Variants in ZNF532 observed in about 807,000 individuals in gnomAD.
ZNF532 encodes the protein zinc finger protein 532.
Under a neutral mutation model 89.3 loss-of-function variants are expected in ZNF532, and 22 were observed. The ratio of observed to expected loss-of-function variants is 0.25; its 90% CI spans 0.18 to 0.35. The LOEUF (loss-of-function observed/expected upper bound fraction) is 0.35. Among genes scored for constraint, ZNF532 ranks in the 10% least tolerant of loss-of-function variants. ZNF532 has a pLI of 1.00. For missense variants in ZNF532, 1,132 were observed against 1,643.4 expected (o/e 0.69, Z 5.38); for synonymous variants, 606 against 649.6 (o/e 0.93, Z 1.02).
At chr18:58,866,426 G>GGAA (rs1407510951) in intron 2 of ZNF532, among the ~76,000 whole-genome samples, 1 of 152,190 alleles carries the variant, frequency 6.6e-6, no homozygotes, top group East Asian at 1.9e-4. Flanking sequence ...TTTGCCTTGG[G>GGAA]TTCCTTGTGA....
intron 5 of ZNF532, among the ~76,000 whole-genome samples, chr18:58,943,294 G>A (rs2063368588): frequency 6.6e-6 from 1 of 150,820 alleles, no homozygotes; most frequent in African/African-American, 2.4e-5. Flanking sequence ...TGAGTACCTG[G>A]GACTACAGGC....
At chr18:58,935,873 T>C (rs2062429517) in intron 4 of ZNF532, among the ~76,000 whole-genome samples, 1 of 152,160 alleles carries the variant, frequency 6.6e-6, no homozygotes, top group Admixed American at 6.5e-5. Flanking sequence ...ATAAATTATG[T>C]TGAATAAAAA....
At chr18:58,937,569 C>T (rs1331554494) in intron 4 of ZNF532, among the ~76,000 whole-genome samples, 1 of 152,174 alleles carries the variant, frequency 6.6e-6, no homozygotes, top group African/African-American at 2.4e-5. Context: ...TCTCTGTATT[C>T]CTTTTTGTCC....
At chr18:58,964,591 T>G (rs1016873048) in intron 7 of ZNF532, among the ~76,000 whole-genome samples, 4 of 151,278 alleles carry the variant, frequency 2.6e-5, no homozygotes, top group Non-Finnish European at 5.9e-5. Flanking sequence ...ATACACAGTT[T>G]TTCTTTTTTT....
intron 2 of ZNF532, among the ~76,000 whole-genome samples, chr18:58,881,820 T>C (rs1274585230): frequency 6.6e-6 from 1 of 152,248 alleles, no homozygotes; most frequent in African/African-American, 2.4e-5. Context: ...CTACTCAATG[T>C]CCATAAACAT....
At position 58,919,345 on chromosome 18, in the gene ZNF532, G is replaced by A. The variant is rs1319362962; in HGVS notation, c.1058G>A (p.Gly353Glu). ...SSKGSPSSPA[G>E]STPAIPKVRI... Reference sequence around the variant, plus strand: ...AAAGGATCCCCGTCCTCTCCCGCAGGGTCCACACCAGCAATCCCCAAAGTC... The same window carrying A: ...AAAGGATCCCCGTCCTCTCCCGCAGAGTCCACACCAGCAATCCCCAAAGTC... Residue 353 changes from glycine (G) to glutamate (E), a missense_variant, in exon 3 of 10, where the codon GGG (glycine) becomes GAG (glutamate). Physicochemically the swap from Gly to Glu is moderately conservative, Grantham distance 98. Around this residue, in one of 9 missense-constraint regions of ZNF532, gnomAD observed 124 missense variants for 191.6 expected, o/e 0.65. Coordinates refer to ENST00000591808, the MANE Select transcript of ZNF532 (RefSeq NM_001375912.1). This position sits in a 1 kb window ranked among gnomAD's most constrained non-coding sequence, Gnocchi z 6.1. The A allele has an allele frequency of 2.5e-6, 4 of 1,614,004 alleles. No individual in the cohort carries two copies. Among genetic ancestry groups the A allele is most frequent in the African/African-American group, 1.3e-5 (1 of 74,906 alleles).
chr18:58,920,773 TGTGTGTGTGTGTGTGTG>T (rs2060995025), intron 3 of ZNF532, 140 bp downstream of exon 3: 2 of 657,100 alleles, frequency 3.0e-6, no homozygotes, highest in Non-Finnish European at 5.0e-6. Context: ...TGTGTGTGTG[TGTGTGTGTGTGTGTGTG>T]TTTGGGGAGG....
At chr18:58,877,600 TGA>T (rs2057534860) in intron 2 of ZNF532, among the ~76,000 whole-genome samples, 1 of 152,232 alleles carries the variant, frequency 6.6e-6, no homozygotes, top group Non-Finnish European at 1.5e-5. Flanking sequence ...ATCTGGGCAC[TGA>T]GAGTTCTGTG....
intron 2 of ZNF532, among the ~76,000 whole-genome samples, chr18:58,888,351 C>A (rs1362390918): frequency 1.3e-5 from 2 of 151,902 alleles, no homozygotes; most frequent in Admixed American, 1.3e-4. Context: ...AATATAAAAT[C>A]AGATATTTTT....
rs575073768 is a variant in ZNF532 at position 58,918,833 on chromosome 18, A to G, written c.546A>G (p.Glu182=). 1 of 1,614,240 alleles carries G rather than the reference A, an allele frequency of 6.2e-7. No homozygotes were observed. The highest frequency in any genetic ancestry group is 1.1e-5 in the South Asian group (1 of 91,088). ...DYDKLKALGG[E]NSSKTGLSTS... Reference sequence around the variant, plus strand: ...ATAAGCTGAAGGCACTCGGAGGGGAAAACTCCAGCAAAACTGGACTCTCTA... The same window carrying G: ...ATAAGCTGAAGGCACTCGGAGGGGAGAACTCCAGCAAAACTGGACTCTCTA... Residue 182 remains glutamate (E), a synonymous_variant, in exon 3 of 10, where the codon GAA becomes GAG. Transcript: ENST00000591808.
intron 7 of ZNF532, among the ~76,000 whole-genome samples, chr18:58,976,572 C>A (rs2067081290): frequency 6.6e-6 from 1 of 151,206 alleles, no homozygotes; most frequent in Non-Finnish European, 1.5e-5. Flanking sequence ...TGAGATGGAG[C>A]CTTGCTCTGT....
At chr18:58,900,770 A>G (rs781701877) in intron 2 of ZNF532, among the ~76,000 whole-genome samples, 1 of 152,192 alleles carries the variant, frequency 6.6e-6, no homozygotes, top group Non-Finnish European at 1.5e-5. Flanking sequence ...CACACAGGTC[A>G]GTCATTTTTA....
Position 58,865,183 on chromosome 18 carries a change from GTCTC to G in ZNF532, c.-320_-317del, listed in dbSNP as rs1166063090. ...AGGGTGGGGACACTTGGTTGATGCA[GTCTC>G]TCTCTCTCTTTCTCGGTGTTTATAA... On this transcript the variant is annotated 5_prime_UTR_variant, in exon 1 of 10. An upstream open reading frame in the 5' UTR loses its in-frame stop. Transcript: ENST00000591808. The G allele has an allele frequency of 3.9e-5, 6 of 151,928 alleles. No homozygotes were observed. Among genetic ancestry groups the G allele is most frequent in the South Asian group, 4.2e-4 (2 of 4,776 alleles). 9.4% of individuals were successfully genotyped at this position (151,928 alleles called of 1,614,324 possible). A position where few individuals can be genotyped will look rare whatever the true frequency, so the allele number is the denominator to read the frequency against.
At chr18:58,913,737 G>C (rs963679394) in intron 2 of ZNF532, among the ~76,000 whole-genome samples, 2 of 152,208 alleles carry the variant, frequency 1.3e-5, no homozygotes, top group Non-Finnish European at 2.9e-5. Flanking sequence ...TATTATTACA[G>C]TTGTTTTATG....
chr18:58,925,439 T>C lies in ZNF532; in HGVS notation c.2346+4806T>C, dbSNP rs565462016. On this transcript the variant is annotated intron_variant, in intron 3 of 9. Transcript: ENST00000591808. Reference sequence around the variant, plus strand: ...TTTTGGTGAAATGTCTCTTCATATCTTTTGCCCATTTCTAATTAGGTTGTT... The same window carrying C: ...TTTTGGTGAAATGTCTCTTCATATCCTTTGCCCATTTCTAATTAGGTTGTT... Among the ~76,000 whole-genome samples the C allele has an allele frequency of 4.1e-4, 62 of 152,360 alleles. No individual in the cohort carries two copies. The East Asian group carries it at 6.7e-3, about 17-fold the overall frequency.
chr18:58,953,105 T>G (rs1489756280), intron 6 of ZNF532: 1 of 157,262 alleles, frequency 6.4e-6, no homozygotes, highest in East Asian at 1.9e-4. Flanking sequence ...TTTGTTCTAG[T>G]TGAATTCCTA....
At chr18:58,900,150 GTC>G (rs1475031740) in intron 2 of ZNF532, among the ~76,000 whole-genome samples, 1 of 152,232 alleles carries the variant, frequency 6.6e-6, no homozygotes, top group Non-Finnish European at 1.5e-5. Flanking sequence ...CGGGAGGTCT[GTC>G]TGCGCAGCTG....
chr18:58,942,355 CT>C, intron 5 of ZNF532, among the ~76,000 whole-genome samples: 2 of 75,330 alleles, frequency 2.7e-5, no homozygotes, highest in African/African-American at 1.7e-4. Flanking sequence ...CCCTCCCTTC[CT>C]TCCTTCCTTC....
intron 4 of ZNF532, among the ~76,000 whole-genome samples, chr18:58,936,269 T>C (rs1199243779): frequency 1.3e-5 from 2 of 152,270 alleles, no homozygotes; most frequent in Admixed American, 1.3e-4. Flanking sequence ...GCAAAGTCCA[T>C]GCAGAATAAT....
Sources: gnomAD v4.1 joint callset for allele counts (sites outside exome capture counted in the v4.1 genomes callset) on GRCh38, gnomAD v4.1.1 for gene constraint, gnomAD v4.1.1 regional missense constraint, Gnocchi (gnomAD v3.1) non-coding constraint, MANE v1.5 for transcripts, NCBI Gene and HGNC (gene_info 2026-07-23, HGNC 2026-07-21) for gene names.